Variants in SBF2 observed in about 807,000 individuals in gnomAD.
SBF2 encodes myotubularin-related protein 13.
In SBF2, 112 loss-of-function variants were observed where a neutral mutation model predicts 225.2. The observed-to-expected ratio is 0.50, with a 90% CI of 0.43 to 0.58. The LOEUF (loss-of-function observed/expected upper bound fraction) is 0.58. Among genes scored for constraint, SBF2 ranks in the 20% least tolerant of loss-of-function variants. The pLI is 0.00. For synonymous variants in SBF2, 763 were observed against 773.3 expected (o/e 0.99, Z 0.22); for missense variants, 1,996 against 2,206.2 (o/e 0.90, Z 1.91).
upstream of SBF2, among the ~76,000 whole-genome samples, chr11:10,294,820 C>T (rs1460266329): frequency 6.6e-6 from 1 of 152,238 alleles, no homozygotes; most frequent in African/African-American, 2.4e-5. Context: ...CCGAGGAACG[C>T]GGCATCCCCG....
In SBF2 at chr11:9,816,883, C is replaced by T. The variant is rs768571931; in HGVS notation, c.3935G>A (p.Arg1312Gln). Residue 1312 changes from arginine (R) to glutamine (Q), a missense_variant, in exon 29 of 40, where the codon CGG becomes CAG. Coordinates refer to ENST00000256190, the MANE Select transcript of SBF2 (RefSeq NM_030962.4). ...ACCAAATATGTAAAGGGCTGCTTGC[C>T]GTTTCAAGAGCTGGTTTTGTAGGTA... The part of the protein sequence containing the change: ...SSYLQNQLLK[R>Q]QAALYIFGEK... 1.9e-5 allele frequency: 30 copies of T among 1,614,010 alleles called. No homozygotes were observed. Among genetic ancestry groups the T allele is most frequent in the Middle Eastern group, 3.3e-4 (2 of 6,084 alleles).
At chr11:10,175,949 G>T (rs1204029920) in intron 2 of SBF2, among the ~76,000 whole-genome samples, 1 of 149,374 alleles carries the variant, frequency 6.7e-6, no homozygotes, top group Non-Finnish European at 1.5e-5. Flanking sequence ...AAATAAAGAT[G>T]TTCTTTGAAA....
At chr11:10,288,895 G>A (rs1372730568) in intron 1 of SBF2, among the ~76,000 whole-genome samples, 1 of 152,160 alleles carries the variant, frequency 6.6e-6, no homozygotes, top group Admixed American at 6.5e-5. Flanking sequence ...CTAGTCCATA[G>A]GACTGGCAGC....
At chr11:10,124,227 C>G (rs1293205080) in intron 2 of SBF2, among the ~76,000 whole-genome samples, 1 of 152,012 alleles carries the variant, frequency 6.6e-6, no homozygotes, top group Non-Finnish European at 1.5e-5. Context: ...GGTAATCAAC[C>G]TTTGTATCTT....
chr11:10,199,997 T>C (rs1957515988), intron 1 of SBF2, among the ~76,000 whole-genome samples: 1 of 152,188 alleles, frequency 6.6e-6, no homozygotes, highest in African/African-American at 2.4e-5. Flanking sequence ...TGGTCAGGCA[T>C]AGGGGCATGC....
At chr11:10,192,507 G>A (rs1055562232) in intron 2 of SBF2, among the ~76,000 whole-genome samples, 9 of 152,262 alleles carry the variant, frequency 5.9e-5, no homozygotes, top group Non-Finnish European at 1.3e-4. Flanking sequence ...TGTGGGTAAG[G>A]TGCTGAGATA....
chr11:10,082,708 C>A (rs527577602), intron 2 of SBF2, among the ~76,000 whole-genome samples: 1 of 152,028 alleles, frequency 6.6e-6, no homozygotes, highest in African/African-American at 2.4e-5. Context: ...AAACCTTCAA[C>A]AAAATAGGTA....
rs1303137377 is a variant in SBF2 at position 9,938,135 on chromosome 11, C to CA, written c.1860+23821dup. On this transcript the variant is annotated intron_variant, in intron 16 of 39. Coordinates refer to ENST00000256190, the MANE Select transcript of SBF2 (RefSeq NM_030962.4). ...TGAAACCCCGTCTCCACTAAAAATA[C>CA]AAAAAATTAGCCGGGCGTGGTGGCG... 4.0e-5 allele frequency among the ~76,000 whole-genome samples: 6 copies of CA among 151,614 alleles called. No individual in the cohort carries two copies. In the East Asian group the frequency reaches 7.7e-4, roughly 20 times the overall value.
In SBF2 at chr11:9,781,788, C is replaced by T. The variant is rs191173545; in HGVS notation, c.5320-150G>A. ...ATACACAAAAAATTAATTAATAATA[C>T]TTGTTGCTTCTAGGAAGAACTAGGT... On this transcript the variant is annotated intron_variant, in intron 38 of 39. Coordinates refer to ENST00000256190, the MANE Select transcript of SBF2 (RefSeq NM_030962.4). 52 of 892,230 alleles carry T rather than the reference C, an allele frequency of 5.8e-5. No individual in the cohort carries two copies. In the East Asian group the frequency reaches 1.3e-3, roughly 22 times the overall value. The allele number at this position is 892,230 out of a possible 1,614,324, so 55.3% of individuals were successfully genotyped here.
At chr11:10,068,698 T>A (rs545248860) in intron 2 of SBF2, among the ~76,000 whole-genome samples, 265 of 152,246 alleles carry the variant, frequency 1.7e-3, no homozygotes, top group Non-Finnish European at 2.9e-3. Flanking sequence ...TATTGTATTA[T>A]CATTATTACT....
chr11:9,891,953 T>C (rs1192761733), intron 17 of SBF2, among the ~76,000 whole-genome samples: 1 of 152,190 alleles, frequency 6.6e-6, no homozygotes, highest in Non-Finnish European at 1.5e-5. Flanking sequence ...AGTAGGTACA[T>C]ATATACCATC....
chr11:10,213,683 A>G (rs1325521076), intron 1 of SBF2, among the ~76,000 whole-genome samples: 1 of 152,204 alleles, frequency 6.6e-6, no homozygotes, highest in Non-Finnish European at 1.5e-5. Context: ...GAATAAAAAC[A>G]GCTATCACTC....
chr11:9,854,109 G>T (rs1233212767), intron 19 of SBF2, among the ~76,000 whole-genome samples: 1 of 152,188 alleles, frequency 6.6e-6, no homozygotes, highest in Non-Finnish European at 1.5e-5. Flanking sequence ...TAGAGAACAA[G>T]TAATACAGCT....
intron 16 of SBF2, among the ~76,000 whole-genome samples, chr11:9,955,416 G>C (rs1253471747): frequency 6.6e-6 from 1 of 151,904 alleles, no homozygotes; most frequent in African/African-American, 2.4e-5. Context: ...TTCCATATCA[G>C]TACATATATA....
intron 1 of SBF2, among the ~76,000 whole-genome samples, chr11:10,198,686 T>C (rs960951441): frequency 4.6e-4 from 70 of 152,382 alleles, no homozygotes; most frequent in African/African-American, 1.6e-3. Flanking sequence ...TCGTCTACAC[T>C]GTTACTGTAG....
chr11:9,793,840 T>C (rs111960864), intron 33 of SBF2, among the ~76,000 whole-genome samples: 69 of 152,226 alleles, frequency 4.5e-4, no homozygotes, highest in Non-Finnish European at 7.8e-4. Context: ...ACCACTGCAC[T>C]AGACCTTGTT....
chr11:9,874,972 C>T (rs1859097678), intron 17 of SBF2, among the ~76,000 whole-genome samples: 1 of 152,172 alleles, frequency 6.6e-6, no homozygotes, highest in Non-Finnish European at 1.5e-5. Flanking sequence ...ATTATAAGAA[C>T]ATTTATTTAT....
intron 16 of SBF2, among the ~76,000 whole-genome samples, chr11:9,903,916 C>T (rs570736325): frequency 2.0e-4 from 30 of 152,052 alleles, no homozygotes; most frequent in Non-Finnish European, 3.2e-4. Context: ...CTCCCTGGTG[C>T]CTGCATTCAA....
intron 1 of SBF2, among the ~76,000 whole-genome samples, chr11:10,291,961 GAACA>G (rs1460623124): frequency 6.6e-6 from 1 of 152,166 alleles, no homozygotes; most frequent in East Asian, 1.9e-4. Flanking sequence ...AATCATGAAG[GAACA>G]GACAATCCCA....
Sources: allele counts gnomAD v4.1 joint callset (sites outside exome capture counted in the v4.1 genomes callset), GRCh38; gene constraint gnomAD v4.1.1; transcripts MANE v1.5; gene names NCBI Gene and HGNC (gene_info 2026-07-23, HGNC 2026-07-21).